The following HS6ST3 variants were observed in gnomAD, a reference collection of about 807,000 sequenced individuals.
HS6ST3 encodes heparan-sulfate 6-O-sulfotransferase 3.
HS6ST3 carries 12 observed loss-of-function variants against 36.7 expected under a neutral mutation model. That is an observed-to-expected ratio of 0.33 (90% confidence interval 0.21 to 0.53). HS6ST3 has a LOEUF of 0.53. Among genes scored for constraint, HS6ST3 ranks in the 20% least tolerant of loss-of-function variants. The pLI is 0.95. For synonymous variants in HS6ST3, 240 were observed against 257.5 expected (o/e 0.93, Z 0.65); for missense variants, 584 against 640.9 (o/e 0.91, Z 0.96).
At chr13:96,606,017 A>G (rs2056437496) in intron 1 of HS6ST3, among the ~76,000 whole-genome samples, 1 of 152,230 alleles carries the variant, frequency 6.6e-6, no homozygotes, top group Admixed American at 6.5e-5. Context: ...TCAAAACCAC[A>G]ATGAAATACC....
chr13:96,186,424 C>T (rs985134540), intron 1 of HS6ST3, among the ~76,000 whole-genome samples: 4 of 152,210 alleles, frequency 2.6e-5, no homozygotes, highest in African/African-American at 9.6e-5. Flanking sequence ...TATCCTTTCT[C>T]CTGCTGAGAC....
chr13:96,690,905 G>A (rs1000175440), intron 1 of HS6ST3, among the ~76,000 whole-genome samples: 6 of 152,002 alleles, frequency 3.9e-5, no homozygotes, highest in East Asian at 1.9e-4. Flanking sequence ...GAATGAATGC[G>A]TACCTAATAA....
intron 1 of HS6ST3, among the ~76,000 whole-genome samples, chr13:96,692,490 C>T (rs1874992379): frequency 6.6e-6 from 1 of 152,070 alleles, no homozygotes; most frequent in Non-Finnish European, 1.5e-5. Context: ...ATACTGAGAA[C>T]CAACTGTATA....
chr13:96,331,976 C>T (rs142758593), intron 1 of HS6ST3, among the ~76,000 whole-genome samples: 9 of 152,190 alleles, frequency 5.9e-5, no homozygotes, highest in African/African-American at 1.9e-4. Flanking sequence ...TTCTTTGACT[C>T]GGAAAGGGAA....
intron 1 of HS6ST3, among the ~76,000 whole-genome samples, chr13:96,179,036 C>T (rs1227676834): frequency 3.9e-5 from 6 of 152,086 alleles, no homozygotes; most frequent in South Asian, 2.1e-4. Context: ...AATAAGTAAT[C>T]GGGAACCAGG....
In HS6ST3 at chr13:96,581,473, C is replaced by T. The variant is rs138028132; in HGVS notation, c.708-251017C>T. Reference sequence around the variant, plus strand: ...TCCTGACCTCATGATCTGCCTGCCTCGGCCTCCCAAAGCTCTGGGATTACA... The same window carrying T: ...TCCTGACCTCATGATCTGCCTGCCTTGGCCTCCCAAAGCTCTGGGATTACA... On this transcript the variant is annotated intron_variant, in intron 1 of 1. Coordinates refer to ENST00000376705, the MANE Select transcript of HS6ST3 (RefSeq NM_153456.4). 7.2e-4 allele frequency among the ~76,000 whole-genome samples: 109 copies of T among 152,118 alleles called. No homozygotes were observed. The East Asian group carries it at 0.017, about 24-fold the overall frequency.
At chr13:96,803,230 C>T (rs1429605579) in intron 1 of HS6ST3, among the ~76,000 whole-genome samples, 3 of 152,184 alleles carry the variant, frequency 2.0e-5, no homozygotes, top group Admixed American at 1.3e-4. Context: ...TTCAAGTCCT[C>T]TTACCATCTA....
At chr13:96,473,121 A>C (rs1464618698) in intron 1 of HS6ST3, among the ~76,000 whole-genome samples, 1 of 152,218 alleles carries the variant, frequency 6.6e-6, no homozygotes, top group African/African-American at 2.4e-5. Flanking sequence ...CTTGCCTAGC[A>C]GTATCTGCCT....
At chr13:96,457,603 A>C (rs904299966) in intron 1 of HS6ST3, among the ~76,000 whole-genome samples, 1 of 152,138 alleles carries the variant, frequency 6.6e-6, no homozygotes, top group Admixed American at 6.5e-5. Flanking sequence ...GACAGTATTG[A>C]TTCCAAGCAC....
chr13:96,560,441 G>T (rs537136421), intron 1 of HS6ST3, among the ~76,000 whole-genome samples: 2 of 152,058 alleles, frequency 1.3e-5, no homozygotes, highest in South Asian at 4.2e-4. Context: ...AAAACTGGAA[G>T]CATTCCCCTT....
chr13:96,565,011 C>T lies in HS6ST3; in HGVS notation c.708-267479C>T, dbSNP rs185723297. Reference sequence around the variant, plus strand: ...CATGGTGACATTACAGCTGCAGCTACAGTACATAAACTTGCATATGTGAGA... The same window carrying T: ...CATGGTGACATTACAGCTGCAGCTATAGTACATAAACTTGCATATGTGAGA... On this transcript the variant is annotated intron_variant, in intron 1 of 1. Coordinates refer to ENST00000376705, the MANE Select transcript of HS6ST3 (RefSeq NM_153456.4). Among the ~76,000 whole-genome samples the T allele has an allele frequency of 5.9e-5, 9 of 152,190 alleles. No homozygotes were observed. In the East Asian group the frequency reaches 1.7e-3, roughly 30 times the overall value.
intron 1 of HS6ST3, among the ~76,000 whole-genome samples, chr13:96,197,333 A>C (rs1230823438): frequency 6.6e-6 from 1 of 152,296 alleles, no homozygotes; most frequent in East Asian, 1.9e-4. Flanking sequence ...CTATCGTGAG[A>C]ATAGCACAGG....
chr13:96,817,245 A>G (rs1427744107), intron 1 of HS6ST3, among the ~76,000 whole-genome samples: 1 of 152,204 alleles, frequency 6.6e-6, no homozygotes, highest in Non-Finnish European at 1.5e-5. Context: ...GTATTCCATT[A>G]TATACACAGT....
chr13:96,707,068 C>T (rs1454283821), intron 1 of HS6ST3, among the ~76,000 whole-genome samples: 2 of 152,122 alleles, frequency 1.3e-5, no homozygotes, highest in African/African-American at 4.8e-5. Context: ...ATCTTTGCAT[C>T]CTGGAGGCTT....
In HS6ST3 at chr13:96,397,119, G is replaced by A. The variant is rs998935103; in HGVS notation, c.707+305550G>A. 9.9e-5 allele frequency among the ~76,000 whole-genome samples: 15 copies of A among 152,210 alleles called. No homozygotes were observed. In the East Asian group the frequency reaches 1.4e-3, roughly 14 times the overall value. ...CTAGGGAGCCTGAGGCAGGAGAATC[G>A]CTTGAACCCAGGGGCAGAGGTTGCA... On this transcript the variant is annotated intron_variant, in intron 1 of 1. Coordinates refer to ENST00000376705, the MANE Select transcript of HS6ST3 (RefSeq NM_153456.4).
At chr13:96,119,539 A>G (rs1466261359) in intron 1 of HS6ST3, among the ~76,000 whole-genome samples, 1 of 152,220 alleles carries the variant, frequency 6.6e-6, no homozygotes, top group Non-Finnish European at 1.5e-5. Context: ...AGATTTTAAG[A>G]TGGTCTGAAC....
At chr13:96,127,285 T>A (rs1161256489) in intron 1 of HS6ST3, among the ~76,000 whole-genome samples, 1 of 152,208 alleles carries the variant, frequency 6.6e-6, no homozygotes, top group Non-Finnish European at 1.5e-5. Flanking sequence ...TTGTGGTGTT[T>A]CCATGGACCG....
intron 1 of HS6ST3, among the ~76,000 whole-genome samples, chr13:96,207,696 G>A (rs1594716696): frequency 1.3e-5 from 2 of 152,176 alleles, no homozygotes; most frequent in African/African-American, 4.8e-5. Context: ...GATGGAATTG[G>A]AAGCCATTAT....
intron 1 of HS6ST3, among the ~76,000 whole-genome samples, chr13:96,792,662 T>C (rs1333784960): frequency 6.6e-6 from 1 of 152,024 alleles, no homozygotes; most frequent in East Asian, 1.9e-4. Context: ...TGTTCACTTT[T>C]CCAGAAAGAA....
Sources: gnomAD v4.1 joint callset for allele counts (sites outside exome capture counted in the v4.1 genomes callset) on GRCh38, gnomAD v4.1.1 for gene constraint, MANE v1.5 for transcripts, NCBI Gene and HGNC (gene_info 2026-07-23, HGNC 2026-07-21) for gene names.